Variants in SEC31B observed in about 807,000 individuals in gnomAD.
The protein encoded by SEC31B is SEC31 homolog B, COPII component.
Under a neutral mutation model 135.0 loss-of-function variants are expected in SEC31B, and 113 were observed. The ratio of observed to expected loss-of-function variants is 0.84; its 90% CI spans 0.72 to 0.98. SEC31B has a LOEUF of 0.98. Ranked by LOEUF, SEC31B falls within the 50% of genes least tolerant of loss-of-function variation. SEC31B has a pLI of 0.00. For synonymous variants in SEC31B, 508 were observed against 549.4 expected (o/e 0.92, Z 1.05); for missense variants, 1,296 against 1,421.1 (o/e 0.91, Z 1.42).
intron 23 of SEC31B, 125 bp downstream of exon 23, chr10:100,489,127 C>T (rs3750720): frequency 0.21 from 304,675 of 1,433,550 alleles, 33,992 homozygotes; most frequent in South Asian, 0.24. Flanking sequence ...GCAGTAAGGA[C>T]ACCTGGTACC....
chr10:100,518,944 C>T (rs969007447), intron 1 of SEC31B, among the ~76,000 whole-genome samples: 3 of 152,196 alleles, frequency 2.0e-5, no homozygotes, highest in Admixed American at 2.0e-4. Context: ...CTGGTCACAG[C>T]CATTTTAATG....
intron 24 of SEC31B, 115 bp downstream of exon 24, chr10:100,488,743 C>T (rs375103890): frequency 1.5e-6 from 2 of 1,354,180 alleles, no homozygotes; most frequent in Non-Finnish European, 2.0e-6. Context: ...AAGATAGAGA[C>T]AGCATGTCCA....
Position 100,497,731 on chromosome 10 carries a change from G to C in SEC31B, c.1926C>G (p.Asn642Lys). The stretch of plus-strand genomic sequence containing the variant: ...GTAGCAAAGCCAGTGCCTCTCTCCA[G>C]TTCTTCAGGCTACAGGTACACACCA... ...KDVVCTCSLK[N>K]WREALALLLT... The change falls in exon 16 of 26, where the codon AAC becomes AAG. Residue 642 changes from asparagine to lysine, a missense_variant. Coordinates refer to ENST00000370345, the MANE Select transcript of SEC31B (RefSeq NM_015490.4). 2 of 1,614,222 alleles carry C rather than the reference G, an allele frequency of 1.2e-6. No individual in the cohort carries two copies. The highest frequency in any genetic ancestry group is 2.2e-5 in the South Asian group (2 of 91,086).
chr10:100,508,349 G>C (rs1328051815), intron 5 of SEC31B: 1 of 531,270 alleles, frequency 1.9e-6, no homozygotes, highest in Non-Finnish European at 3.5e-6. Context: ...CAAAAAAAGA[G>C]GGAGAGAAGG....
chr10:100,502,428 T>G lies in SEC31B; in HGVS notation c.1236A>C (p.Pro412=). The G allele has an allele frequency of 6.2e-7, 1 of 1,614,096 alleles. No homozygotes were observed. Among genetic ancestry groups the G allele is most frequent in the Non-Finnish European group, 8.5e-7 (1 of 1,180,000 alleles). ...GLPSTPAHLV[P]QPCPRLVFIS... ...TGAAGACTAGGCGGGGGCAAGGCTGTGGCACCAGATGGGCAGGGGTGCTGG... is the reference window on the plus strand; with the variant it reads ...TGAAGACTAGGCGGGGGCAAGGCTGGGGCACCAGATGGGCAGGGGTGCTGG... The change falls in exon 11 of 26, where the codon CCA becomes CCC. Residue 412 remains proline (P), a synonymous_variant. Coordinates refer to ENST00000370345, the MANE Select transcript of SEC31B (RefSeq NM_015490.4).
intron 16 of SEC31B, 83 bp from the exon 17 acceptor site, chr10:100,497,363 A>G: frequency 2.5e-6 from 4 of 1,576,268 alleles, no homozygotes; most frequent in Non-Finnish European, 2.6e-6. Context: ...GGAGAGGACC[A>G]TGAGCCTGGG....
intron 6 of SEC31B, 127 bp downstream of exon 6, chr10:100,507,781 C>G (rs1851661198): frequency 2.2e-6 from 3 of 1,385,202 alleles, no homozygotes; most frequent in Non-Finnish European, 3.0e-6. Context: ...AGGAAATGTG[C>G]TAAGCGGCTG....
At chr10:100,508,083 C>T (rs1219434174) in intron 5 of SEC31B, 32 bp from the exon 6 acceptor site, 3 of 1,613,076 alleles carry the variant, frequency 1.9e-6, no homozygotes, top group African/African-American at 1.3e-5. Context: ...AAGATGACAA[C>T]TTGTCACCCC....
chr10:100,497,626 G>A, intron 16 of SEC31B, 41 bp downstream of exon 16: 1 of 1,613,952 alleles, frequency 6.2e-7, no homozygotes, highest in Non-Finnish European at 8.5e-7. Flanking sequence ...CTCCATGCTG[G>A]AGTCACACCA....
At chr10:100,517,085 T>C (rs1851865208) in intron 1 of SEC31B, 88 bp from the exon 2 acceptor site, 2 of 676,310 alleles carry the variant, frequency 3.0e-6, no homozygotes, top group African/African-American at 1.8e-5. Context: ...CATCACAAGA[T>C]AGGGCATTTC....
At position 100,506,041 on chromosome 10, in the gene SEC31B, T is replaced by C. The variant is rs1851623603; in HGVS notation, c.1043A>G (p.Lys348Arg). The change falls in exon 9 of 26, where the codon AAG becomes AGG. Residue 348 changes from lysine (K) to arginine (R), a missense_variant and splice_region_variant. By Grantham distance (26) the Lys-to-Arg change is conservative (BLOSUM62 2). Transcript: ENST00000370345. Reference sequence around the variant, plus strand: ...CATTCTCTACCAAGCCCTTCAAACCTTGTCAGCCTGTCTCATATGCTGGAC... The same window carrying C: ...CATTCTCTACCAAGCCCTTCAAACCCTGTCAGCCTGTCTCATATGCTGGAC... ...WEVQHMRQAD[K>R]ISSSFSKGQP... 1 of 1,613,632 alleles carries C rather than the reference T, an allele frequency of 6.2e-7. No individual in the cohort carries two copies. The highest frequency in any genetic ancestry group is 8.5e-7 in the Non-Finnish European group (1 of 1,180,016).
At chr10:100,516,719 C>A (rs1441956404) in intron 2 of SEC31B, among the ~76,000 whole-genome samples, 155 bp downstream of exon 2, 1 of 151,252 alleles carries the variant, frequency 6.6e-6, no homozygotes, top group African/African-American at 2.4e-5. Flanking sequence ...CCTCAGGTAC[C>A]CAAAACACCT....
rs1851535472 is a variant in SEC31B at position 100,502,139 on chromosome 10, T to C, written c.1410+115A>G. On this transcript the variant is annotated intron_variant, in intron 11 of 25. Coordinates refer to ENST00000370345, the MANE Select transcript of SEC31B (RefSeq NM_015490.4). Reference sequence around the variant, plus strand: ...GTGTGGGGGAAAAACTAATGGGAGTTAAGGCCTCTGTGATCTGGGTCCCAG... The same window carrying C: ...GTGTGGGGGAAAAACTAATGGGAGTCAAGGCCTCTGTGATCTGGGTCCCAG... The C allele has an allele frequency of 6.5e-6, 5 of 772,392 alleles. No homozygotes were observed. In the South Asian group the frequency reaches 8.2e-5, roughly 13 times the overall value. The allele number at this position is 772,392 out of a possible 1,614,324, so 47.8% of individuals were successfully genotyped here. A position where few individuals can be genotyped will look rare whatever the true frequency, so the allele number is the denominator to read the frequency against.
At position 100,498,699 on chromosome 10, in the gene SEC31B, G is replaced by A. The variant is rs1851460109; in HGVS notation, c.1684+6C>T. On this transcript the variant is annotated splice_donor_region_variant and intron_variant, in intron 14 of 25. Transcript: ENST00000370345. Reference sequence around the variant, plus strand: ...AGACTCTCCCTCTCCCTCAGGGTCAGGGTACCTTTTGTGATGGGGATCTCC... The same window carrying A: ...AGACTCTCCCTCTCCCTCAGGGTCAAGGTACCTTTTGTGATGGGGATCTCC... 6 of 1,604,596 alleles carry A rather than the reference G, an allele frequency of 3.7e-6. No homozygotes were observed. The highest frequency in any genetic ancestry group is 1.3e-5 in the African/African-American group (1 of 74,702).
At chr10:100,517,083 G>A (rs1589742888) in intron 1 of SEC31B, 86 bp from the exon 2 acceptor site, 1 of 678,922 alleles carries the variant, frequency 1.5e-6, no homozygotes. Context: ...TCCATCACAA[G>A]ATAGGGCATT....
intron 7 of SEC31B, among the ~76,000 whole-genome samples, chr10:100,507,183 C>A (rs1205912867): frequency 6.6e-6 from 1 of 152,316 alleles, no homozygotes; most frequent in Non-Finnish European, 1.5e-5. Context: ...TTTCTCATTA[C>A]CCCATTCCAT....
intron 21 of SEC31B, 102 bp from the exon 22 acceptor site, chr10:100,489,863 C>T (rs1396934980): frequency 6.3e-7 from 1 of 1,575,756 alleles, no homozygotes; most frequent in African/African-American, 1.4e-5. Context: ...GTTCACCATA[C>T]CTCCCTCTGC....
intron 11 of SEC31B, among the ~76,000 whole-genome samples, chr10:100,501,414 T>C (rs1851522582): frequency 6.6e-6 from 1 of 152,170 alleles, no homozygotes; most frequent in Non-Finnish European, 1.5e-5. Flanking sequence ...GACAAAAGCA[T>C]CATTTCTTAT....
rs764415543 is a variant in SEC31B at position 100,499,536 on chromosome 10, C to T, written c.1473G>A (p.Glu491=). Residue 491 remains glutamate (E), a synonymous_variant, in exon 12 of 26, where the codon GAG becomes GAA. Transcript: ENST00000370345. ...AAAAGCAGCTTACCTTCTTCTGAAG[C>T]TCATCTTTACTGTATCCTAAAAGCT... ...FLKLLGYSKD[E]LQKKVATWLK... 4.8e-5 allele frequency: 78 copies of T among 1,608,542 alleles called. No individual in the cohort carries two copies. Among genetic ancestry groups the T allele is most frequent in the Non-Finnish European group, 6.4e-5 (75 of 1,178,118 alleles).
Sources: allele counts gnomAD v4.1 joint callset (sites outside exome capture counted in the v4.1 genomes callset), GRCh38; gene constraint gnomAD v4.1.1; transcripts MANE v1.5; gene names NCBI Gene and HGNC (gene_info 2026-07-23, HGNC 2026-07-21).